Variants in DLGAP2 observed in about 807,000 individuals in gnomAD.
DLGAP2 encodes the protein DLG associated protein 2.
DLGAP2 carries 26 observed loss-of-function variants against 100.3 expected under a neutral mutation model. The observed-to-expected ratio is 0.26, with a 90% CI of 0.19 to 0.36. DLGAP2 has a LOEUF of 0.36. DLGAP2 is among the 10% of genes least tolerant of loss of function. The probability of loss-of-function intolerance (pLI) is 1.00; values close to 1 mark genes in which losing one functional copy is unlikely to be tolerated. For synonymous variants in DLGAP2, 886 were observed against 630.1 expected, an observed-to-expected ratio of 1.41 and a Z score of -6.08; for missense variants, 1,858 against 1,453.2, an observed-to-expected ratio of 1.28 and a Z score of -4.53.
chr8:1,681,340 A>G (rs1433559944), intron 12 of DLGAP2, among the ~76,000 whole-genome samples: 2 of 151,990 alleles, frequency 1.3e-5, no homozygotes, highest in African/African-American at 4.8e-5. Flanking sequence ...TTAAAAAAAA[A>G]TAGAATCCTC....
intron 1 of DLGAP2, among the ~76,000 whole-genome samples, chr8:875,232 C>G (rs1797668038): frequency 6.6e-6 from 1 of 152,034 alleles, no homozygotes. Flanking sequence ...ATTATTTAAT[C>G]CATTCACATT....
intron 1 of DLGAP2, among the ~76,000 whole-genome samples, chr8:779,214 G>T (rs1164774621): frequency 6.6e-6 from 1 of 152,166 alleles, no homozygotes; most frequent in Non-Finnish European, 1.5e-5. Context: ...CATGGTGCGC[G>T]CACCCACTGA....
At chr8:1,036,014 CCGCGTGT>C (rs1802108840) in intron 2 of DLGAP2, among the ~76,000 whole-genome samples, 1 of 116,660 alleles carries the variant, frequency 8.6e-6, no homozygotes, top group Non-Finnish European at 1.9e-5. Flanking sequence ...CATCCCGACC[CCGCGTGT>C]CACCGCGAGT....
intron 8 of DLGAP2, among the ~76,000 whole-genome samples, chr8:1,650,412 T>C (rs1798135978): frequency 6.6e-6 from 1 of 152,244 alleles, no homozygotes; most frequent in African/African-American, 2.4e-5. Context: ...CTTCTAAATA[T>C]TGACAGCATA....
intron 1 of DLGAP2, among the ~76,000 whole-genome samples, chr8:797,865 T>G (rs1051327068): frequency 1.3e-5 from 2 of 152,106 alleles, no homozygotes; most frequent in African/African-American, 4.8e-5. Context: ...ATTCTCCTGC[T>G]TCAGCCTCCT....
intron 3 of DLGAP2, among the ~76,000 whole-genome samples, chr8:1,354,420 C>T (rs1055247958): frequency 5.3e-5 from 8 of 152,096 alleles, no homozygotes; most frequent in African/African-American, 1.9e-4. Flanking sequence ...GACTGAGGCA[C>T]CAGAATCACT....
chr8:1,356,412 T>TGG (rs1801852498), intron 3 of DLGAP2, among the ~76,000 whole-genome samples: 7 of 151,960 alleles, frequency 4.6e-5, no homozygotes, highest in Non-Finnish European at 8.8e-5. Context: ...TAAAACCATG[T>TGG]GAAACCACAA....
intron 3 of DLGAP2, 112 bp downstream of exon 3, chr8:1,258,995 C>G (rs749763979): frequency 1.1e-6 from 1 of 928,142 alleles, no homozygotes; most frequent in Non-Finnish European, 1.4e-6. Context: ...ACATTGAGGA[C>G]GCAGTCTGTG....
At chr8:953,538 A>C (rs1246218633) in intron 2 of DLGAP2, among the ~76,000 whole-genome samples, 1 of 152,200 alleles carries the variant, frequency 6.6e-6, no homozygotes, top group Non-Finnish European at 1.5e-5. Context: ...AAATTTGATC[A>C]CTGATAGCAA....
chr8:1,376,354 G>A (rs957066196), intron 3 of DLGAP2, among the ~76,000 whole-genome samples: 18 of 152,224 alleles, frequency 1.2e-4, no homozygotes, highest in Non-Finnish European at 2.6e-4. Context: ...AGTCCCTCTA[G>A]AGAGCATCGG....
chr8:840,787 C>T (rs369915418), intron 1 of DLGAP2, among the ~76,000 whole-genome samples: 182 of 152,356 alleles, frequency 1.2e-3, no homozygotes, highest in African/African-American at 4.2e-3. Flanking sequence ...CTACACGGTA[C>T]ATGCCTGCAC....
intron 4 of DLGAP2, among the ~76,000 whole-genome samples, chr8:1,520,599 C>A (rs576463139): frequency 6.6e-6 from 1 of 152,092 alleles, no homozygotes; most frequent in Non-Finnish European, 1.5e-5. Flanking sequence ...TCCCTCCCTG[C>A]CCCCAACCCC....
At chr8:1,256,380 A>C (rs1294294245) in intron 2 of DLGAP2, among the ~76,000 whole-genome samples, 76 of 78,110 alleles carry the variant, frequency 9.7e-4, no homozygotes, top group Non-Finnish European at 1.1e-3. Flanking sequence ...GTGTCCTCTC[A>C]TCCTGCCTGG....
chr8:1,251,882 C>G (rs1475920563), intron 2 of DLGAP2, among the ~76,000 whole-genome samples: 2 of 152,240 alleles, frequency 1.3e-5, no homozygotes, highest in African/African-American at 4.8e-5. Context: ...GTCATGTGTC[C>G]TGTACCCACG....
chr8:1,517,459 G>C (rs1800433863), intron 4 of DLGAP2, among the ~76,000 whole-genome samples: 1 of 152,096 alleles, frequency 6.6e-6, no homozygotes, highest in South Asian at 2.1e-4. Context: ...CCCACCCCCT[G>C]CTCCACTGAG....
intron 2 of DLGAP2, among the ~76,000 whole-genome samples, chr8:1,059,878 C>T (rs762121525): frequency 2.6e-4 from 39 of 152,192 alleles, no homozygotes; most frequent in East Asian, 5.8e-4. Context: ...GGGGCGGTCG[C>T]GATGCAAATC....
chr8:1,157,296 C>A (rs1209808700), intron 2 of DLGAP2, among the ~76,000 whole-genome samples: 3 of 152,260 alleles, frequency 2.0e-5, no homozygotes, highest in African/African-American at 7.2e-5. Flanking sequence ...CTGTGATGTT[C>A]AGAGATGGCC....
chr8:1,130,658 A>G (rs1458897841), intron 2 of DLGAP2, among the ~76,000 whole-genome samples: 1 of 152,256 alleles, frequency 6.6e-6, no homozygotes, highest in Non-Finnish European at 1.5e-5. Flanking sequence ...GAGGCTGCAC[A>G]GCAGCATCTT....
intron 3 of DLGAP2, among the ~76,000 whole-genome samples, chr8:1,444,596 C>G (rs940348860): frequency 2.6e-5 from 4 of 151,812 alleles, no homozygotes; most frequent in Admixed American, 1.3e-4. Flanking sequence ...TTCCGAGAAC[C>G]CTCCCTCCAC....
Sources: gnomAD v4.1 joint callset for allele counts (sites outside exome capture counted in the v4.1 genomes callset) on GRCh38, gnomAD v4.1.1 for gene constraint, MANE v1.5 for transcripts, NCBI Gene and HGNC (gene_info 2026-07-23, HGNC 2026-07-21) for gene names.